GPR83: variants seen among roughly 807,000 people sequenced by gnomAD.
The protein encoded by GPR83 is G protein-coupled receptor 83.
GPR83 carries 23 observed loss-of-function variants against 28.0 expected under a neutral mutation model. The ratio of observed to expected loss-of-function variants is 0.82; its 90% CI spans 0.59 to 1.16. GPR83 has a LOEUF of 1.16. Among genes scored for constraint, GPR83 ranks in the 50% most tolerant of loss-of-function variants. The pLI, the probability that GPR83 is intolerant of heterozygous loss-of-function variation, is 0.00. For missense variants in GPR83, 610 were observed against 536.6 expected, an observed-to-expected ratio of 1.14 and a Z score of -1.35; for synonymous variants, 234 against 215.4, an observed-to-expected ratio of 1.09 and a Z score of -0.76.
At chr11:94,385,844 A>T (rs1268941250) in intron 3 of GPR83, among the ~76,000 whole-genome samples, 1 of 152,208 alleles carries the variant, frequency 6.6e-6, no homozygotes, top group Non-Finnish European at 1.5e-5. Flanking sequence ...GGAAATACAG[A>T]GAATGCCACA....
intron 3 of GPR83, among the ~76,000 whole-genome samples, chr11:94,382,684 T>C (rs539100507): frequency 1.3e-5 from 2 of 152,320 alleles, no homozygotes; most frequent in Middle Eastern, 3.4e-3. Context: ...CAAATGGACC[T>C]AATAGACATC....
rs973057856 is a variant in GPR83 at position 94,380,916 on chromosome 11, C to T, written c.648-143G>A. ...TAATATGGCACTTTTGATGCTGTAG[C>T]CTAATTATCTGATTACATTTCTACC... On this transcript the variant is annotated intron_variant, in intron 3 of 3. Coordinates refer to ENST00000243673, the MANE Select transcript of GPR83 (RefSeq NM_016540.4). 9 of 667,998 alleles carry T rather than the reference C, an allele frequency of 1.3e-5. No homozygotes were observed. In the African/African-American group the frequency reaches 1.6e-4, roughly 12 times the overall value. The allele number at this position is 667,998 out of a possible 1,614,324, so 41.4% of individuals were successfully genotyped here.
rs149566608 is a variant in GPR83, at chr11:94,380,759, C to T, written c.662G>A (p.Arg221His). 5.0e-5 allele frequency: 81 copies of T among 1,608,818 alleles called. 1 individual carries two copies. The Middle Eastern group carries it at 8.5e-4, about 17-fold the overall frequency. The change falls in exon 4 of 4, where the codon CGC (arginine) becomes CAC (histidine). Residue 221 changes from arginine to histidine, a missense_variant. Transcript: ENST00000243673. ...AGGGAAGTCTGGCAGGCAGAGGGAG[C>T]GCACAATGTCCTCACTGGGGGCAGG... Reference protein sequence around the residue: ...FTFKYSEDIVRSLCLPDFPEP... With the variant: ...FTFKYSEDIVHSLCLPDFPEP...
chr11:94,394,833 G>A (rs1242010942), intron 2 of GPR83, among the ~76,000 whole-genome samples: 1 of 152,160 alleles, frequency 6.6e-6, no homozygotes, highest in African/African-American at 2.4e-5. Context: ...AGAGCCCCTT[G>A]TTGGGGTATA....
chr11:94,378,906 A>C lies in GPR83; in HGVS notation c.*1243T>G, dbSNP rs1476435632. The C allele has an allele frequency of 6.6e-6, 1 of 152,088 alleles. No homozygotes were observed. Among genetic ancestry groups the C allele is most frequent in the East Asian group, 1.9e-4 (1 of 5,164 alleles). 9.4% of individuals were successfully genotyped at this position (152,088 alleles called of 1,614,324 possible). A position where few individuals can be genotyped will look rare whatever the true frequency, so the allele number is the denominator to read the frequency against. On this transcript the variant is annotated 3_prime_UTR_variant, in exon 4 of 4. Coordinates refer to ENST00000243673, the MANE Select transcript of GPR83 (RefSeq NM_016540.4). ...CTTGAGGCTGCCTCTAAGGAGGGGC[A>C]TGTGAGCCAGGCCCTTCCCACCACT...
In GPR83 at chr11:94,377,377, C is replaced by T. The variant is rs1365403281; in HGVS notation, c.*2772G>A. 1 of 152,168 alleles carries T rather than the reference C, an allele frequency of 6.6e-6. No homozygotes were observed. The highest frequency in any genetic ancestry group is 2.4e-5 in the African/African-American group (1 of 41,418). The allele number at this position is 152,168 out of a possible 1,614,324, so 9.4% of individuals were successfully genotyped here. A position where few individuals can be genotyped will look rare whatever the true frequency, so the allele number is the denominator to read the frequency against. ...ATTTACAATAAAACACTTTACAGCA[C>T]ATTGGAAAAACTCAAGTTTCACAAA... On this transcript the variant is annotated 3_prime_UTR_variant, in exon 4 of 4. Coordinates refer to ENST00000243673, the MANE Select transcript of GPR83 (RefSeq NM_016540.4).
At chr11:94,395,133 C>T (rs1944853885) in intron 2 of GPR83, among the ~76,000 whole-genome samples, 1 of 152,186 alleles carries the variant, frequency 6.6e-6, no homozygotes, top group Admixed American at 6.5e-5. Flanking sequence ...TGACTAGTCC[C>T]ATTCCTTACC....
chr11:94,380,200 C>T lies in GPR83; in HGVS notation c.1221G>A (p.Gln407=). The T allele has an allele frequency of 1.3e-6, 2 of 1,520,322 alleles. No homozygotes were observed. The highest frequency in any genetic ancestry group is 1.8e-6 in the Non-Finnish European group (2 of 1,136,084). The allele number at this position is 1,520,322 out of a possible 1,614,324, so 94.2% of individuals were successfully genotyped here. A position where few individuals can be genotyped will look rare whatever the true frequency, so the allele number is the denominator to read the frequency against. ...CAGATGACAGGTCTGTCTTCCCAGA[C>T]TGGAGTTGGGAGGTGGGCAGGAGGT... ...ANNLLPTSQL[Q]SGKTDLSSVE... is the part of the protein sequence containing the mutation. The change falls in exon 4 of 4, where the codon CAG becomes CAA. Residue 407 remains glutamine, a synonymous_variant. Coordinates refer to ENST00000243673, the MANE Select transcript of GPR83 (RefSeq NM_016540.4).
intron 2 of GPR83, among the ~76,000 whole-genome samples, chr11:94,396,110 C>A (rs897770333): frequency 6.6e-6 from 1 of 152,170 alleles, no homozygotes; most frequent in East Asian, 1.9e-4. Context: ...ATCCCAGCTA[C>A]TCAGGAGGCT....
intron 1 of GPR83, among the ~76,000 whole-genome samples, chr11:94,398,435 T>A (rs1944885202): frequency 1.3e-5 from 2 of 152,192 alleles, no homozygotes; most frequent in Admixed American, 6.5e-5. Context: ...GATGCTTCGA[T>A]GCCTTTGTTC....
At chr11:94,393,766 G>C (rs1398119359) in intron 2 of GPR83, 148 bp from the exon 3 acceptor site, 1 of 654,668 alleles carries the variant, frequency 1.5e-6, no homozygotes, top group South Asian at 2.0e-5. Flanking sequence ...TTCTAGACCA[G>C]ACTGGGCAAC....
intron 3 of GPR83, among the ~76,000 whole-genome samples, chr11:94,381,780 G>A (rs1479361683): frequency 6.6e-6 from 1 of 152,080 alleles, no homozygotes; most frequent in African/African-American, 2.4e-5. Flanking sequence ...AATTTTCCTA[G>A]GAAAGACCTG....
At chr11:94,382,527 A>G (rs1382573504) in intron 3 of GPR83, among the ~76,000 whole-genome samples, 1 of 152,158 alleles carries the variant, frequency 6.6e-6, no homozygotes, top group East Asian at 1.9e-4. Flanking sequence ...ACCCAGATTC[A>G]TAAAGTAAGT....
intron 1 of GPR83, among the ~76,000 whole-genome samples, chr11:94,398,761 C>G (rs547926319): frequency 1.3e-5 from 2 of 152,168 alleles, no homozygotes; most frequent in African/African-American, 4.8e-5. Context: ...GGCAGGGATG[C>G]CTTTCCCGAT....
chr11:94,392,754 T>C (rs1392720573), intron 3 of GPR83, among the ~76,000 whole-genome samples: 14 of 151,656 alleles, frequency 9.2e-5, no homozygotes, highest in Non-Finnish European at 1.5e-5. Flanking sequence ...TGAACCCAGG[T>C]GGCGGAGGTT....
At position 94,380,355 on chromosome 11, in the gene GPR83, G is replaced by A. The variant is rs776502832; in HGVS notation, c.1066C>T (p.Leu356=). 8.7e-6 allele frequency: 14 copies of A among 1,613,734 alleles called. No homozygotes were observed. The East Asian group carries it at 2.7e-4, about 31-fold the overall frequency. ...CWLNENFRIE[L]KALLSMCQRP... Reference sequence around the variant, plus strand: ...TGACACATGCTCAGTAATGCCTTTAGCTCAATCCTGAAGTTCTCGTTCAGC... The same window carrying A: ...TGACACATGCTCAGTAATGCCTTTAACTCAATCCTGAAGTTCTCGTTCAGC... Residue 356 remains leucine, a synonymous_variant, in exon 4 of 4, where the codon CTA becomes TTA. Transcript: ENST00000243673.
In GPR83 at chr11:94,396,422, C is replaced by T; in HGVS notation, c.490G>A (p.Ala164Thr). The T allele has an allele frequency of 6.2e-7, 1 of 1,613,962 alleles. No homozygotes were observed. Among genetic ancestry groups the T allele is most frequent in the African/African-American group, 1.3e-5 (1 of 75,072 alleles). Residue 164 changes from alanine (A) to threonine (T), a missense_variant, in exon 2 of 4, where the codon GCC becomes ACC. Ala to Thr is a moderately conservative substitution (Grantham distance 58). Coordinates refer to ENST00000243673, the MANE Select transcript of GPR83 (RefSeq NM_016540.4). Reference sequence around the variant, plus strand: ...ACCTGGTGGCGATCCACCGCAATGGCTGTCAGTGTCAGTGCTGAGACGTGC... The same window carrying T: ...ACCTGGTGGCGATCCACCGCAATGGTTGTCAGTGTCAGTGCTGAGACGTGC... Reference protein sequence around the residue: ...SLHVSALTLTAIAVDRHQVIM... With the variant: ...SLHVSALTLTTIAVDRHQVIM...
At chr11:94,384,363 T>C (rs1944725667) in intron 3 of GPR83, among the ~76,000 whole-genome samples, 1 of 151,986 alleles carries the variant, frequency 6.6e-6, no homozygotes, top group African/African-American at 2.4e-5. Context: ...TATGGGGTGG[T>C]TCCAAGATGG....
chr11:94,387,270 A>G (rs1202116229), intron 3 of GPR83, among the ~76,000 whole-genome samples: 1 of 152,218 alleles, frequency 6.6e-6, no homozygotes, highest in Non-Finnish European at 1.5e-5. Context: ...TAAAAGAACA[A>G]GAGAAGCAAG....
Sources: gnomAD v4.1 joint callset for allele counts (sites outside exome capture counted in the v4.1 genomes callset) on GRCh38, gnomAD v4.1.1 for gene constraint, MANE v1.5 for transcripts, NCBI Gene and HGNC (gene_info 2026-07-23, HGNC 2026-07-21) for gene names.